Variants in LRP1B observed in about 807,000 individuals in gnomAD.
LRP1B encodes the protein LDL receptor related protein 1B, also known as low-density lipoprotein receptor-related protein 1B.
A neutral mutation model predicts 556.6 loss-of-function variants in LRP1B; 217 were observed. The observed-to-expected ratio is 0.39, with a 90% CI of 0.35 to 0.44. The LOEUF is 0.44. Ranked by LOEUF, LRP1B falls within the 20% of genes least tolerant of loss-of-function variation. The pLI is 1.00. For synonymous variants in LRP1B, 2,047 were observed against 1,865.8 expected, an observed-to-expected ratio of 1.10 and a Z score of -2.50; for missense variants, 5,053 against 5,620.8, an observed-to-expected ratio of 0.90 and a Z score of 3.23.
intron 59 of LRP1B, among the ~76,000 whole-genome samples, chr2:140,478,658 A>AGAT (rs2105352616): frequency 6.6e-6 from 1 of 152,278 alleles, no homozygotes; most frequent in East Asian, 1.9e-4. Context: ...CCCTAGAAAC[A>AGAT]GATTACATGG....
At chr2:140,596,384 G>A (rs1029276845) in intron 43 of LRP1B, among the ~76,000 whole-genome samples, 1 of 152,178 alleles carries the variant, frequency 6.6e-6, no homozygotes, top group Admixed American at 6.5e-5. Context: ...AGAGTTGGAT[G>A]CTGTTCATTT....
At chr2:140,997,286 C>T (rs771111027) in intron 15 of LRP1B, among the ~76,000 whole-genome samples, 1 of 151,946 alleles carries the variant, frequency 6.6e-6, no homozygotes, top group Non-Finnish European at 1.5e-5. Flanking sequence ...AGAAAATATG[C>T]ATTCCAGAAT....
chr2:140,793,749 T>C (rs1310582378), intron 32 of LRP1B, among the ~76,000 whole-genome samples: 1 of 152,016 alleles, frequency 6.6e-6, no homozygotes, highest in Non-Finnish European at 1.5e-5. Context: ...TCAATAATCA[T>C]TTACCAAAAT....
At chr2:141,474,057 C>CTT (rs1172444791) in intron 3 of LRP1B, among the ~76,000 whole-genome samples, 2 of 54,568 alleles carry the variant, frequency 3.7e-5, no homozygotes, top group African/African-American at 1.0e-4. Context: ...TCCTTCCTTC[C>CTT]TCCCTCCCTC....
At chr2:140,846,617 G>A (rs1000823507) in intron 29 of LRP1B, among the ~76,000 whole-genome samples, 2 of 151,872 alleles carry the variant, frequency 1.3e-5, no homozygotes, top group Non-Finnish European at 2.9e-5. Flanking sequence ...GAGATGATAG[G>A]CACAGTGAAT....
At chr2:141,750,195 G>A (rs943010838) in intron 2 of LRP1B, among the ~76,000 whole-genome samples, 2 of 152,106 alleles carry the variant, frequency 1.3e-5, no homozygotes, top group African/African-American at 4.8e-5. Flanking sequence ...ATCCCCAAAT[G>A]TATAACAACT....
At chr2:140,374,960 C>G (rs1199580972) in intron 68 of LRP1B, among the ~76,000 whole-genome samples, 1 of 152,022 alleles carries the variant, frequency 6.6e-6, no homozygotes, top group Non-Finnish European at 1.5e-5. Flanking sequence ...ATTAAAGTTT[C>G]TTTAATGTAT....
In LRP1B at chr2:140,516,940, T is replaced by C. The variant is rs1291123945; in HGVS notation, c.8098A>G (p.Ile2700Val). ...PSGRCILNTW[I>V]CDGQKDCEDG... The stretch of plus-strand genomic sequence containing the variant: ...TCACAATCTTTCTGACCATCGCATA[T>C]CCAGGTATTCAAAATGCATCTTCCA... Residue 2700 changes from isoleucine (I) to valine (V), a missense_variant, in exon 50 of 91, where the codon ATA (isoleucine) becomes GTA (valine). Around this residue, in one of 5 missense-constraint regions of LRP1B, gnomAD observed 3,619 missense variants for 3,931.9 expected, o/e 0.92. Coordinates refer to ENST00000389484, the MANE Select transcript of LRP1B (RefSeq NM_018557.3). The C allele has an allele frequency of 6.2e-7, 1 of 1,611,974 alleles. No homozygotes were observed. The highest frequency in any genetic ancestry group is 2.2e-5 in the East Asian group (1 of 44,772).
intron 2 of LRP1B, among the ~76,000 whole-genome samples, chr2:141,753,449 G>A (rs368692276): frequency 6.6e-6 from 1 of 151,282 alleles, no homozygotes; most frequent in South Asian, 2.1e-4. Context: ...GTACCTAAAT[G>A]CTCACGCTGT....
intron 57 of LRP1B, among the ~76,000 whole-genome samples, chr2:140,489,733 G>A (rs1412234827): frequency 1.3e-5 from 2 of 151,990 alleles, no homozygotes; most frequent in East Asian, 3.9e-4. Context: ...AATTCAGGTG[G>A]CTAAATTAGA....
chr2:141,148,714 CT>C (rs1701845952), intron 7 of LRP1B, among the ~76,000 whole-genome samples: 1 of 152,120 alleles, frequency 6.6e-6, no homozygotes, highest in Non-Finnish European at 1.5e-5. Context: ...GATGGATGTT[CT>C]CAGTGGAACA....
chr2:141,070,647 A>G (rs1699613214), intron 7 of LRP1B, among the ~76,000 whole-genome samples: 1 of 152,064 alleles, frequency 6.6e-6, no homozygotes, highest in Admixed American at 6.6e-5. Context: ...AATCAAATAG[A>G]CGCAATAAAA....
intron 1 of LRP1B, among the ~76,000 whole-genome samples, chr2:141,975,464 C>G (rs1701859418): frequency 6.6e-6 from 1 of 151,982 alleles, no homozygotes. Flanking sequence ...GGCGCTATCC[C>G]AGGCAAAGCC....
At chr2:140,737,039 C>T (rs772090910) in intron 35 of LRP1B, among the ~76,000 whole-genome samples, 1 of 152,088 alleles carries the variant, frequency 6.6e-6, no homozygotes, top group East Asian at 1.9e-4. Context: ...TTAACATCTA[C>T]AACACCCACC....
At chr2:141,793,587 T>C (rs902459923) in intron 2 of LRP1B, among the ~76,000 whole-genome samples, 16 of 151,978 alleles carry the variant, frequency 1.1e-4, no homozygotes, top group African/African-American at 3.9e-4. Context: ...AATTTCCAAA[T>C]TGTACTATCA....
rs1039376348 is a variant in LRP1B at position 141,093,873 on chromosome 2, CCTGG to C, written c.1014-31604_1014-31601del. 3.0e-4 allele frequency among the ~76,000 whole-genome samples: 45 copies of C among 152,188 alleles called. 1 individual carries two copies. The highest frequency in any genetic ancestry group is 8.4e-4 in the African/African-American group (35 of 41,524). On this transcript the variant is annotated intron_variant, in intron 7 of 90. Transcript: ENST00000389484. ...GGGATTACAGTTGCCCACCACCATG[CCTGG>C]CTAATTTTTTTGTATTTTTAGTAGA...
At chr2:140,603,703 C>A (rs1019212461) in intron 41 of LRP1B, among the ~76,000 whole-genome samples, 1 of 152,038 alleles carries the variant, frequency 6.6e-6, no homozygotes, top group African/African-American at 2.4e-5. Flanking sequence ...ATCTCAATAT[C>A]CACATATAAT....
At chr2:142,093,969 C>T (rs1420512874) in intron 1 of LRP1B, among the ~76,000 whole-genome samples, 1 of 152,034 alleles carries the variant, frequency 6.6e-6, no homozygotes, top group African/African-American at 2.4e-5. Flanking sequence ...ACTTATTTCT[C>T]ACAACCTAGA....
At chr2:140,693,000 T>A (rs1191621751) in intron 41 of LRP1B, among the ~76,000 whole-genome samples, 3 of 152,156 alleles carry the variant, frequency 2.0e-5, no homozygotes, top group African/African-American at 7.2e-5. Flanking sequence ...TAAATTGTTC[T>A]AGTATAATTC....
Sources: gnomAD v4.1 joint callset for allele counts (sites outside exome capture counted in the v4.1 genomes callset) on GRCh38, gnomAD v4.1.1 for gene constraint, gnomAD v4.1.1 regional missense constraint, MANE v1.5 for transcripts, NCBI Gene and HGNC (gene_info 2026-07-23, HGNC 2026-07-21) for gene names.